Variants in CPT1A observed in about 807,000 individuals in gnomAD.
CPT1A encodes carnitine palmitoyltransferase 1A, also known as carnitine O-palmitoyltransferase 1, liver isoform.
CPT1A carries 64 observed loss-of-function variants against 100.8 expected under a neutral mutation model. The observed-to-expected ratio is 0.63, with a 90% confidence interval of 0.52 to 0.78. The LOEUF (loss-of-function observed/expected upper bound fraction) is 0.78, where lower values mean the gene tolerates loss of function less well. Ranked by LOEUF, CPT1A falls within the 30% of genes least tolerant of loss-of-function variation. CPT1A has a pLI of 0.00. For missense variants in CPT1A, 802 were observed against 1,034.1 expected (o/e 0.78, Z 3.08); for synonymous variants, 363 against 396.0 (o/e 0.92, Z 0.99).
chr11:68,784,356 T>G (rs1037034752), intron 10 of CPT1A, among the ~76,000 whole-genome samples: 10 of 151,664 alleles, frequency 6.6e-5, no homozygotes, highest in African/African-American at 2.4e-4. Context: ...AGGTCAGGAG[T>G]TTGAGACCAG....
chr11:68,791,773 G>A (rs553141994), intron 9 of CPT1A, among the ~76,000 whole-genome samples: 40 of 152,194 alleles, frequency 2.6e-4, no homozygotes, highest in African/African-American at 9.4e-4. Flanking sequence ...CTGACCTCAG[G>A]TGATCTGCCC....
At chr11:68,777,121 G>A (rs533444001) in intron 12 of CPT1A, among the ~76,000 whole-genome samples, 1 of 152,280 alleles carries the variant, frequency 6.6e-6, no homozygotes, top group East Asian at 1.9e-4. Context: ...GCCTGACACA[G>A]AAACATCAGA....
chr11:68,772,732 A>T (rs1855024733), intron 14 of CPT1A, among the ~76,000 whole-genome samples: 1 of 152,124 alleles, frequency 6.6e-6, no homozygotes, highest in Non-Finnish European at 1.5e-5. Flanking sequence ...TTAATTTAGT[A>T]TGGTGAAAGG....
At chr11:68,826,785 T>C (rs981735296) in intron 1 of CPT1A, among the ~76,000 whole-genome samples, 3 of 151,206 alleles carry the variant, frequency 2.0e-5, no homozygotes, top group Admixed American at 2.0e-4. Flanking sequence ...TTCTGTAACA[T>C]ACTTTACTTA....
intron 1 of CPT1A, among the ~76,000 whole-genome samples, chr11:68,840,071 A>G (rs1179216368): frequency 6.6e-6 from 1 of 152,244 alleles, no homozygotes; most frequent in Non-Finnish European, 1.5e-5. Context: ...AATGCTTCAC[A>G]GGAAGGAAAC....
chr11:68,764,143 A>G (rs1254486455), intron 14 of CPT1A, among the ~76,000 whole-genome samples: 1 of 152,206 alleles, frequency 6.6e-6, no homozygotes, highest in Non-Finnish European at 1.5e-5. Context: ...GATGGTGGAT[A>G]AGGACAGAGA....
intron 4 of CPT1A, among the ~76,000 whole-genome samples, chr11:68,804,357 T>C (rs988280962): frequency 6.6e-6 from 1 of 152,148 alleles, no homozygotes; most frequent in Non-Finnish European, 1.5e-5. Flanking sequence ...TACTTACAGG[T>C]TCTAGCAAAT....
intron 1 of CPT1A, among the ~76,000 whole-genome samples, chr11:68,817,751 G>GGC (rs1491469755): frequency 2.8e-4 from 33 of 117,298 alleles, no homozygotes; most frequent in African/African-American, 1.4e-3. Flanking sequence ...ACAGGCTGTT[G>GGC]GGGGGGGGTC....
Position 68,784,886 on chromosome 11 carries a change from C to T in CPT1A, c.1092G>A (p.Gln364=), listed in dbSNP as rs199640034. 8.1e-6 allele frequency: 13 copies of T among 1,614,066 alleles called. No homozygotes were observed. In the East Asian group the frequency reaches 2.9e-4, roughly 36 times the overall value. The change falls in exon 10 of 19, where the codon CAG becomes CAA. Residue 364 remains glutamine (Q), a synonymous_variant. Transcript: ENST00000265641. ...LKPREMEQQM[Q]RILDNTSEPQ... is the part of the protein sequence containing the mutation. ...GCTCCGAGGTATTGTCCAGGATCCT[C>T]TGCATCTGCTGCTCCATCTCCCGGG... is the stretch of plus-strand genomic sequence containing the variant.
chr11:68,816,271 G>T (rs1467370215), intron 1 of CPT1A, among the ~76,000 whole-genome samples: 3 of 152,330 alleles, frequency 2.0e-5, no homozygotes, highest in Admixed American at 6.5e-5. Flanking sequence ...GCTCTTTCGA[G>T]AAACTGTTCT....
intron 1 of CPT1A, among the ~76,000 whole-genome samples, chr11:68,825,642 G>A (rs1594372628): frequency 6.6e-6 from 1 of 152,060 alleles, no homozygotes; most frequent in African/African-American, 2.4e-5. Flanking sequence ...GAAAAGCAGG[G>A]CCTCCCCCCA....
At chr11:68,764,862 C>T (rs1167928860) in intron 14 of CPT1A, among the ~76,000 whole-genome samples, 1 of 152,266 alleles carries the variant, frequency 6.6e-6, no homozygotes, top group Non-Finnish European at 1.5e-5. Flanking sequence ...ACGCTGGACA[C>T]CAGCGCTAAG....
intron 11 of CPT1A, among the ~76,000 whole-genome samples, chr11:68,781,399 C>T (rs1037895155): frequency 3.9e-5 from 6 of 152,164 alleles, no homozygotes; most frequent in African/African-American, 1.4e-4. Context: ...GTGGGTGGAT[C>T]ACTTGAGATC....
intron 1 of CPT1A, among the ~76,000 whole-genome samples, chr11:68,820,252 G>A (rs1489853818): frequency 1.3e-5 from 2 of 151,860 alleles, no homozygotes; most frequent in African/African-American, 2.4e-5. Context: ...GACTGGTCTC[G>A]AACTCCTGGA....
chr11:68,798,093 C>A (rs1377998809), intron 6 of CPT1A, among the ~76,000 whole-genome samples: 1 of 152,246 alleles, frequency 6.6e-6, no homozygotes, highest in Non-Finnish European at 1.5e-5. Context: ...TGGCACTAAC[C>A]TGGTGTTCCG....
chr11:68,800,824 G>A, intron 5 of CPT1A, among the ~76,000 whole-genome samples: 1 of 151,892 alleles, frequency 6.6e-6, no homozygotes, highest in Non-Finnish European at 1.5e-5. Context: ...CCTTAAAAGG[G>A]CCAGCTGTAG....
rs1475403110 is a variant in CPT1A at position 68,794,134 on chromosome 11, CT to C, written c.879+669del. ...TTAGGAGACACAAGGAGAATTACAT[CT>C]CAGAATAATTAGGCTGGGTGAAAGA... On this transcript the variant is annotated intron_variant, in intron 8 of 18. Coordinates refer to ENST00000265641, the MANE Select transcript of CPT1A (RefSeq NM_001876.4). Among the ~76,000 whole-genome samples the C allele has an allele frequency of 2.0e-5, 3 of 152,276 alleles. No individual in the cohort carries two copies. In the East Asian group the frequency reaches 5.8e-4, roughly 29 times the overall value.
intron 1 of CPT1A, chr11:68,839,797 C>A: frequency 3.8e-6 from 3 of 780,504 alleles, no homozygotes; most frequent in Non-Finnish European, 3.1e-6. Context: ...CCCGGAGGCC[C>A]AACTTGACCG....
intron 1 of CPT1A, among the ~76,000 whole-genome samples, 179 bp from the exon 2 acceptor site, chr11:68,815,666 CG>C (rs1486771151): frequency 6.6e-6 from 1 of 152,200 alleles, no homozygotes; most frequent in African/African-American, 2.4e-5. Context: ...GCCTGTCCAC[CG>C]CTACAAAGAC....
Sources: allele counts gnomAD v4.1 joint callset (sites outside exome capture counted in the v4.1 genomes callset), GRCh38; gene constraint gnomAD v4.1.1; transcripts MANE v1.5; gene names NCBI Gene and HGNC (gene_info 2026-07-23, HGNC 2026-07-21).